Variants in MYRIP observed in about 807,000 individuals in gnomAD.
The protein encoded by MYRIP is rab effector MyRIP.
A neutral mutation model predicts 98.0 loss-of-function variants in MYRIP; 49 were observed. The observed-to-expected ratio is 0.50, with a 90% confidence interval of 0.40 to 0.63. The LOEUF (loss-of-function observed/expected upper bound fraction) is 0.63. Among genes scored for constraint, MYRIP ranks in the 30% least tolerant of loss-of-function variants. The probability of loss-of-function intolerance (pLI) is 0.00; values close to 1 mark genes in which losing one functional copy is unlikely to be tolerated. For synonymous variants in MYRIP, 404 were observed against 409.5 expected, an observed-to-expected ratio of 0.99 and a Z score of 0.16; for missense variants, 1,004 against 1,058.2, an observed-to-expected ratio of 0.95 and a Z score of 0.71.
At chr3:39,813,438 T>C (rs1277914902) in intron 1 of MYRIP, among the ~76,000 whole-genome samples, 1 of 152,226 alleles carries the variant, frequency 6.6e-6, no homozygotes, top group Non-Finnish European at 1.5e-5. Context: ...ACCAAGAGTG[T>C]TGAGTGTTTG....
chr3:40,044,063 A>G lies in MYRIP; in HGVS notation c.124A>G (p.Lys42Glu). ...EEERLSELKQ[K>E]LDEEGSKCSI... Reference sequence around the variant, plus strand: ...TTGGTTTCCCAGTGAGCTGAAGCAGAAGCTGGATGAGGAAGGCAGCAAGTG... The same window carrying G: ...TTGGTTTCCCAGTGAGCTGAAGCAGGAGCTGGATGAGGAAGGCAGCAAGTG... Residue 42 changes from lysine to glutamate, a missense_variant, in exon 3 of 17, where the codon AAG becomes GAG. Transcript: ENST00000302541. The G allele has an allele frequency of 6.2e-7, 1 of 1,613,882 alleles. No homozygotes were observed. The highest frequency in any genetic ancestry group is 8.5e-7 in the Non-Finnish European group (1 of 1,179,864).
Position 39,907,957 on chromosome 3 carries a change from T to C in MYRIP, c.110+7031T>C, listed in dbSNP as rs79160263. Reference sequence around the variant, plus strand: ...ATCAGGAACATTTACAAAGTGGTTTTAAAAATGACTGTTAATTGTACAATC... The same window carrying C: ...ATCAGGAACATTTACAAAGTGGTTTCAAAAATGACTGTTAATTGTACAATC... On this transcript the variant is annotated intron_variant, in intron 2 of 16. Transcript: ENST00000302541. 7.3e-3 allele frequency among the ~76,000 whole-genome samples: 1,114 copies of C among 152,316 alleles called. 19 individuals carry two copies. Among genetic ancestry groups the C allele is most frequent in the East Asian group, 0.043 (221 of 5,176 alleles).
chr3:40,087,007 T>A (rs963321068), intron 3 of MYRIP, among the ~76,000 whole-genome samples: 5 of 152,088 alleles, frequency 3.3e-5, no homozygotes, highest in Non-Finnish European at 7.4e-5. Context: ...ATTCATAATA[T>A]GCCAGAAGGC....
intron 1 of MYRIP, among the ~76,000 whole-genome samples, chr3:39,885,107 G>A (rs185571768): frequency 7.6e-4 from 115 of 151,736 alleles, no homozygotes; most frequent in African/African-American, 2.4e-3. Flanking sequence ...ATAACAAAAA[G>A]TCCTTCAGTC....
chr3:39,933,815 A>C (rs35252556), intron 2 of MYRIP, among the ~76,000 whole-genome samples: 1 of 152,118 alleles, frequency 6.6e-6, no homozygotes, highest in Admixed American at 6.5e-5. Flanking sequence ...TTCTCCTTTT[A>C]TATCTTTTAT....
intron 1 of MYRIP, among the ~76,000 whole-genome samples, chr3:39,863,013 T>C (rs932707491): frequency 1.3e-5 from 2 of 152,114 alleles, no homozygotes; most frequent in Admixed American, 6.5e-5. Flanking sequence ...CCATGCTAAC[T>C]ACATTAATTA....
At chr3:40,092,960 C>T (rs1388429803) in intron 3 of MYRIP, among the ~76,000 whole-genome samples, 1 of 152,156 alleles carries the variant, frequency 6.6e-6, no homozygotes, top group East Asian at 1.9e-4. Flanking sequence ...CAGATTTGTA[C>T]TTAGTAGTGA....
intron 3 of MYRIP, among the ~76,000 whole-genome samples, chr3:40,130,873 C>T (rs1034415209): frequency 2.6e-4 from 40 of 152,090 alleles, no homozygotes; most frequent in Admixed American, 3.9e-4. Context: ...CCTATCCTGG[C>T]TAGTTATATG....
At chr3:39,895,816 G>C (rs1943593980) in intron 1 of MYRIP, among the ~76,000 whole-genome samples, 1 of 152,092 alleles carries the variant, frequency 6.6e-6, no homozygotes, top group Non-Finnish European at 1.5e-5. Flanking sequence ...TGCAATACTA[G>C]GTTTTAAAGT....
At chr3:40,133,520 A>T (rs765943344) in intron 3 of MYRIP, among the ~76,000 whole-genome samples, 77 of 152,348 alleles carry the variant, frequency 5.1e-4, no homozygotes, top group Non-Finnish European at 8.8e-4. Flanking sequence ...CTTAGAGAAG[A>T]AGTGAGAAAG....
intron 2 of MYRIP, among the ~76,000 whole-genome samples, chr3:39,978,001 C>T (rs550538892): frequency 6.0e-4 from 76 of 127,534 alleles, no homozygotes; most frequent in Middle Eastern, 3.8e-3. Flanking sequence ...AAATAACATC[C>T]ATTTATCAAC....
intron 1 of MYRIP, among the ~76,000 whole-genome samples, chr3:39,863,360 C>G (rs1406101877): frequency 6.6e-6 from 1 of 151,234 alleles, no homozygotes; most frequent in Non-Finnish European, 1.5e-5. Context: ...ATCAACAGAT[C>G]CAGGAGTAGT....
intron 2 of MYRIP, among the ~76,000 whole-genome samples, chr3:39,910,348 A>G (rs1943990551): frequency 6.6e-6 from 1 of 152,206 alleles, no homozygotes; most frequent in South Asian, 2.1e-4. Context: ...TGGTACTGAA[A>G]ACAAGGACAT....
intron 2 of MYRIP, among the ~76,000 whole-genome samples, chr3:40,023,510 ACTG>A (rs10536617): frequency 1 from 151,708 of 152,080 alleles, 75,669 homozygotes; most frequent in Non-Finnish European, 1. Flanking sequence ...CGATGACATC[ACTG>A]CTGCTGCTGC....
chr3:39,975,148 C>T (rs1448748402), intron 2 of MYRIP, among the ~76,000 whole-genome samples: 6 of 152,164 alleles, frequency 3.9e-5, no homozygotes, highest in Non-Finnish European at 8.8e-5. Context: ...TAGAAAACCC[C>T]ATCGTCTCAG....
At chr3:40,254,194 G>A (rs1027822844) in intron 16 of MYRIP, among the ~76,000 whole-genome samples, 4 of 152,184 alleles carry the variant, frequency 2.6e-5, no homozygotes, top group African/African-American at 9.7e-5. Flanking sequence ...AGTTAAGGAT[G>A]TGCACACAGG....
At chr3:40,063,296 G>A (rs1948056379) in intron 3 of MYRIP, among the ~76,000 whole-genome samples, 1 of 152,156 alleles carries the variant, frequency 6.6e-6, no homozygotes, top group Non-Finnish European at 1.5e-5. Flanking sequence ...GGAAATATTT[G>A]TTTATGGATA....
chr3:40,053,192 C>A (rs1459556803), intron 3 of MYRIP, among the ~76,000 whole-genome samples: 1 of 152,176 alleles, frequency 6.6e-6, no homozygotes, highest in Non-Finnish European at 1.5e-5. Context: ...CCCATCCCTG[C>A]CCCACTTTAA....
intron 7 of MYRIP, among the ~76,000 whole-genome samples, chr3:40,167,678 C>T (rs1950526736): frequency 6.6e-6 from 1 of 152,188 alleles, no homozygotes; most frequent in South Asian, 2.1e-4. Context: ...ACACCAGCCA[C>T]AAGTTTCAGG....
Sources: allele counts gnomAD v4.1 joint callset (sites outside exome capture counted in the v4.1 genomes callset), GRCh38; gene constraint gnomAD v4.1.1; transcripts MANE v1.5; gene names NCBI Gene and HGNC (gene_info 2026-07-23, HGNC 2026-07-21).